The following KCNA6 variants were observed in gnomAD, a reference collection of about 807,000 sequenced individuals.
KCNA6 encodes the protein human brain potassium channel-2.
In KCNA6, 17 loss-of-function variants were observed where a neutral mutation model predicts 29.5. That is an observed-to-expected ratio of 0.58 (90% CI 0.39 to 0.86). KCNA6 has a LOEUF of 0.86. Ranked by LOEUF, KCNA6 falls within the 40% of genes least tolerant of loss-of-function variation. The probability of loss-of-function intolerance (pLI) is 0.00; values close to 1 mark genes in which losing one functional copy is unlikely to be tolerated. For synonymous variants in KCNA6, 296 were observed against 304.7 expected (o/e 0.97, Z 0.30); for missense variants, 450 against 703.4 (o/e 0.64, Z 4.07).
chr12:4,846,194 A>G, the KCNA6 span, among the ~76,000 whole-genome samples: 2 of 152,198 alleles, frequency 1.3e-5, no homozygotes, highest in Non-Finnish European at 2.9e-5. Context: ...TTGGCACTCA[A>G]CAAGTTTCAG....
At chr12:4,820,051 G>C in the KCNA6 span, among the ~76,000 whole-genome samples, 6,223 of 152,168 alleles carry the variant, frequency 0.041, 292 homozygotes, top group East Asian at 0.23. Flanking sequence ...TCAGAGAAAG[G>C]CAGGGTCCCT....
At chr12:4,820,591 A>ACACACTCT in the KCNA6 span, among the ~76,000 whole-genome samples, 2 of 144,502 alleles carry the variant, frequency 1.4e-5, no homozygotes, top group African/African-American at 2.5e-5. Flanking sequence ...ACACACACAC[A>ACACACTCT]CTCTTAAAAA....
chr12:4,840,336 A>T, the KCNA6 span, among the ~76,000 whole-genome samples: 1 of 152,284 alleles, frequency 6.6e-6, no homozygotes, highest in East Asian at 1.9e-4. Context: ...ACCTGAACAG[A>T]CACTTTTCCA....
At chr12:4,839,289 C>T in the KCNA6 span, 2 of 152,296 alleles carry the variant, frequency 1.3e-5, no homozygotes, top group Non-Finnish European at 2.9e-5. Context: ...TCTTCCTCCT[C>T]TCCTCAGCCT....
the KCNA6 span, among the ~76,000 whole-genome samples, chr12:4,824,818 C>T: frequency 6.6e-6 from 1 of 152,228 alleles, no homozygotes; most frequent in East Asian, 1.9e-4. Context: ...ACAGACTCAA[C>T]TTACAGAGGA....
the KCNA6 span, among the ~76,000 whole-genome samples, chr12:4,846,183 G>A: frequency 6.6e-6 from 1 of 152,260 alleles, no homozygotes; most frequent in Non-Finnish European, 1.5e-5. Flanking sequence ...ACTATTTCAT[G>A]TTGGCACTCA....
rs1946626057 is a variant in KCNA6, at chr12:4,811,070, C to T, written c.1029C>T (p.Val343=). The T allele has an allele frequency of 6.2e-7, 1 of 1,614,082 alleles. No individual in the cohort carries two copies. The highest frequency in any genetic ancestry group is 8.5e-7 in the Non-Finnish European group (1 of 1,179,984). Residue 343 remains valine, a synonymous_variant, in exon 1 of 1, where the codon GTC becomes GTT. Transcript: ENST00000280684. The surrounding 1 kb of genome is among the most constrained non-coding windows in gnomAD (Gnocchi z 7.1). Reference sequence around the variant, plus strand: ...CCATGTCCCTGGCCATCCTCCGAGTCATCCGCCTGGTCCGGGTGTTCCGCA... The same window carrying T: ...CCATGTCCCTGGCCATCCTCCGAGTTATCCGCCTGGTCCGGGTGTTCCGCA...
At chr12:4,850,011 CG>C in the KCNA6 span, among the ~76,000 whole-genome samples, 1 of 152,154 alleles carries the variant, frequency 6.6e-6, no homozygotes, top group African/African-American at 2.4e-5. This position sits in a 1 kb window ranked among gnomAD's most constrained non-coding sequence, Gnocchi z 5.4. Context: ...ACGGCAGAGG[CG>C]GATGTTAAAC....
chr12:4,842,012 C>CGT, the KCNA6 span, among the ~76,000 whole-genome samples: 11,763 of 124,810 alleles, frequency 0.094, 596 homozygotes, highest in African/African-American at 0.13. Context: ...ATGGAGCTTA[C>CGT]GTGTGTGTGT....
chr12:4,839,764 A>C, the KCNA6 span, among the ~76,000 whole-genome samples: 2 of 152,234 alleles, frequency 1.3e-5, no homozygotes, highest in Non-Finnish European at 2.9e-5. Context: ...CATAGCTAGC[A>C]GTTACAGAAC....
chr12:4,810,631 C>A lies in KCNA6; in HGVS notation c.590C>A (p.Pro197His), dbSNP rs1333211611. The change falls in exon 1 of 1, where the codon CCC (proline) becomes CAC (histidine). Residue 197 changes from proline (P) to histidine (H), a missense_variant. Transcript: ENST00000280684. This position sits in a 1 kb window ranked among gnomAD's most constrained non-coding sequence, Gnocchi z 7.5. ...GTCATCTTTTGCCTGGAGACCTTAC[C>A]CCAGTTCCGTGTAGATGGTCGAGGT... 3 of 1,614,034 alleles carry A rather than the reference C, an allele frequency of 1.9e-6. No individual in the cohort carries two copies. Among genetic ancestry groups the A allele is most frequent in the Non-Finnish European group, 2.5e-6 (3 of 1,180,032 alleles).
chr12:4,814,469 T>C (rs562428318), downstream of KCNA6: 74 of 167,208 alleles, frequency 4.4e-4, 1 homozygote, highest in Non-Finnish European at 7.3e-4. This position sits in a 1 kb window ranked among gnomAD's most constrained non-coding sequence, Gnocchi z 4.6. Flanking sequence ...AGATCTTTCT[T>C]CTTAAGACAT....
At chr12:4,824,185 G>C in the KCNA6 span, among the ~76,000 whole-genome samples, 1 of 152,192 alleles carries the variant, frequency 6.6e-6, no homozygotes, top group East Asian at 1.9e-4. Context: ...GGTATGTGGC[G>C]AGCATTCAGC....
In KCNA6 at chr12:4,811,385, C is replaced by T; in HGVS notation, c.1344C>T (p.Leu448=). ...CGCTGTGTGCCATCGCTGGGGTCCTCACCATTGCCCTGCCTGTGCCCGTCA... is the reference window on the plus strand; with the variant it reads ...CGCTGTGTGCCATCGCTGGGGTCCTTACCATTGCCCTGCCTGTGCCCGTCA... The change falls in exon 1 of 1, where the codon CTC becomes CTT. Residue 448 remains leucine (L), a synonymous_variant. Transcript: ENST00000280684. The surrounding 1 kb of genome is among the most constrained non-coding windows in gnomAD (Gnocchi z 7.1). The T allele has an allele frequency of 6.2e-7, 1 of 1,614,198 alleles. No homozygotes were observed. Among genetic ancestry groups the T allele is most frequent in the Non-Finnish European group, 8.5e-7 (1 of 1,180,024 alleles).
the KCNA6 span, among the ~76,000 whole-genome samples, chr12:4,833,064 C>T: frequency 1.3e-5 from 2 of 152,078 alleles, no homozygotes; most frequent in South Asian, 4.2e-4. Context: ...GTAACAGTGG[C>T]ATTAAAAAAA....
chr12:4,845,439 C>T, the KCNA6 span, among the ~76,000 whole-genome samples: 3 of 152,140 alleles, frequency 2.0e-5, no homozygotes, highest in Admixed American at 6.5e-5. Context: ...ACTTCTGTCC[C>T]TCTGCAGGTT....
chr12:4,827,206 C>CTCCTTCCTTCCTTCCTCCTTCCTTCCT, the KCNA6 span, among the ~76,000 whole-genome samples: 1 of 113,826 alleles, frequency 8.8e-6, no homozygotes, highest in Admixed American at 9.7e-5. Context: ...CCTTCCTTCC[C>CTCCTTCCTTCCTTCCTCCTTCCTTCCT]TCCTTCCTTC....
At chr12:4,824,568 TA>T in the KCNA6 span, among the ~76,000 whole-genome samples, 1 of 152,160 alleles carries the variant, frequency 6.6e-6, no homozygotes, top group African/African-American at 2.4e-5. Context: ...TGAAGTGACT[TA>T]CCCATTGAGA....
In KCNA6 at chr12:4,810,406, G is replaced by T. The variant is rs140807265; in HGVS notation, c.365G>T (p.Arg122Leu). 1.2e-6 allele frequency: 2 copies of T among 1,614,024 alleles called. No homozygotes were observed. The highest frequency in any genetic ancestry group is 1.7e-6 in the Non-Finnish European group (2 of 1,180,022). ...CTGGACATTTTCCTGGAGGAGATCC[G>T]CTTCTACCAGCTGGGGGACGAGGCC... Residue 122 changes from arginine (R) to leucine (L), a missense_variant, in exon 1 of 1, where the codon CGC becomes CTC. Arg to Leu is a moderately radical substitution (Grantham distance 102). Transcript: ENST00000280684. The surrounding 1 kb of genome is among the most constrained non-coding windows in gnomAD (Gnocchi z 7.5).
Sources: gnomAD v4.1 joint callset for allele counts (sites outside exome capture counted in the v4.1 genomes callset) on GRCh38, gnomAD v4.1.1 for gene constraint, Gnocchi (gnomAD v3.1) non-coding constraint, MANE v1.5 for transcripts, NCBI Gene and HGNC (gene_info 2026-07-23, HGNC 2026-07-21) for gene names.